TSPYL4: variants seen among roughly 807,000 people sequenced by gnomAD.
TSPYL4 encodes the protein TSPY like 4, also known as testis-specific Y-encoded-like protein 4.
A neutral mutation model predicts 24.2 loss-of-function variants in TSPYL4; 22 were observed. The observed-to-expected ratio is 0.91, with a 90% confidence interval of 0.65 to 1.30. The LOEUF (loss-of-function observed/expected upper bound fraction) is 1.30. Among genes scored for constraint, TSPYL4 ranks in the 50% most tolerant of loss-of-function variants. The pLI, the probability that TSPYL4 is intolerant of heterozygous loss-of-function variation, is 0.00. For missense variants in TSPYL4, 569 were observed against 536.7 expected, an observed-to-expected ratio of 1.06 and a Z score of -0.60; for synonymous variants, 211 against 208.2, an observed-to-expected ratio of 1.01 and a Z score of -0.12.
Position 116,253,927 on chromosome 6 carries a change from G to T in TSPYL4, c.82C>A (p.Pro28Thr). Residue 28 changes from proline to threonine, a missense_variant, in exon 1 of 1, where the codon CCG becomes ACG. Physicochemically the swap from Pro to Thr is conservative, Grantham distance 38 (BLOSUM62 -1). Coordinates refer to ENST00000420283, the MANE Select transcript of TSPYL4 (RefSeq NM_021648.5). The surrounding 1 kb of genome is among the most constrained non-coding windows in gnomAD (Gnocchi z 4.3). ...AGCCCTTGGCACTGGTCTCGGTCCG[G>T]ATCTCCTGAGGCATGGTCGGGAGCA... ...LAAPDHASGD[P>T]DRDQCQGLRE... 1.2e-6 allele frequency: 2 copies of T among 1,613,484 alleles called. No individual in the cohort carries two copies. Among genetic ancestry groups the T allele is most frequent in the Non-Finnish European group, 1.7e-6 (2 of 1,179,716 alleles).
chr6:116,253,529 C>CGAGATGGCGCGTTTTTTAGT lies in TSPYL4; in HGVS notation c.460_479dup (p.Ala161LeufsTer25), dbSNP rs1772006630. The stretch of plus-strand genomic sequence containing the variant: ...CTTCTCCCTCCTTTTCCACTGCTGC[C>CGAGATGGCGCGTTTTTTAGT]GAGATGGCGCGTTTTTTAGTCGTCA... On this transcript the variant is annotated frameshift_variant, in exon 1 of 1. Coordinates refer to ENST00000420283, the MANE Select transcript of TSPYL4 (RefSeq NM_021648.5). LOFTEE classifies it high-confidence loss of function. The surrounding 1 kb of genome is among the most constrained non-coding windows in gnomAD (Gnocchi z 4.3). The CGAGATGGCGCGTTTTTTAGT allele has an allele frequency of 4.5e-6, 7 of 1,551,868 alleles. No homozygotes were observed. The highest frequency in any genetic ancestry group is 6.1e-6 in the Non-Finnish European group (7 of 1,147,040).
rs756879036 is a variant in TSPYL4, at chr6:116,253,223, G to A, written c.786C>T (p.Pro262=). The change falls in exon 1 of 1, where the codon CCC becomes CCT. Residue 262 remains proline, a synonymous_variant. Coordinates refer to ENST00000420283, the MANE Select transcript of TSPYL4 (RefSeq NM_021648.5). This position sits in a 1 kb window ranked among gnomAD's most constrained non-coding sequence, Gnocchi z 4.3. ...GFWVTAFRNH[P]QLSPMISGQD... is the part of the protein sequence containing the mutation. ...GGCCACTGATCATAGGTGACAGCTGGGGGTGGTTTCGAAAGGCAGTAACCC... is the reference window on the plus strand; with the variant it reads ...GGCCACTGATCATAGGTGACAGCTGAGGGTGGTTTCGAAAGGCAGTAACCC... The A allele has an allele frequency of 2.5e-6, 4 of 1,614,038 alleles. No individual in the cohort carries two copies. Among genetic ancestry groups the A allele is most frequent in the East Asian group, 2.2e-5 (1 of 44,858 alleles).
Position 116,253,637 on chromosome 6 carries a change from G to T in TSPYL4, c.372C>A (p.Gly124=), listed in dbSNP as rs1772013026. 1.3e-6 allele frequency: 2 copies of T among 1,553,874 alleles called. No homozygotes were observed. The highest frequency in any genetic ancestry group is 1.4e-5 in the African/African-American group (1 of 73,230). Residue 124 remains glycine, a synonymous_variant, in exon 1 of 1, where the codon GGC becomes GGA. Coordinates refer to ENST00000420283, the MANE Select transcript of TSPYL4 (RefSeq NM_021648.5). This position sits in a 1 kb window ranked among gnomAD's most constrained non-coding sequence, Gnocchi z 4.3. The stretch of plus-strand genomic sequence containing the variant: ...CTTCTAGAGCCTTCTGCCCAGCAGG[G>T]CCACGGGGCTCTCCAAGCTGACAGC... The part of the protein sequence containing the change: ...KNGCQLGEPR[G]PAGQKALEAC...
Position 116,253,761 on chromosome 6 carries a change from C to A in TSPYL4, c.248G>T (p.Gly83Val), listed in dbSNP as rs748653080. The change falls in exon 1 of 1, where the codon GGT (glycine) becomes GTT (valine). Residue 83 changes from glycine to valine, a missense_variant. Coordinates refer to ENST00000420283, the MANE Select transcript of TSPYL4 (RefSeq NM_021648.5). The surrounding 1 kb of genome is among the most constrained non-coding windows in gnomAD (Gnocchi z 4.3). ...CTCCTGCCCGGCTTTGGTCGCTGCA[C>A]CGCCGCGACTCCCGGCAACTGGGAC... is the stretch of plus-strand genomic sequence containing the variant. ...LRVPVAGSRG[G>V]AATKAGQEDA... 6.3e-7 allele frequency: 1 copy of A among 1,597,722 alleles called. No individual in the cohort carries two copies. The highest frequency in any genetic ancestry group is 1.1e-5 in the South Asian group (1 of 88,778).
At position 116,252,538 on chromosome 6, in the gene TSPYL4, GA is replaced by G; in HGVS notation, c.*225del. 1.8e-6 allele frequency: 1 copy of G among 566,784 alleles called. No individual in the cohort carries two copies. The highest frequency in any genetic ancestry group is 3.1e-6 in the Non-Finnish European group (1 of 326,142). 35.1% of individuals were successfully genotyped at this position (566,784 alleles called of 1,614,324 possible). On this transcript the variant is annotated 3_prime_UTR_variant, in exon 1 of 1. Coordinates refer to ENST00000420283, the MANE Select transcript of TSPYL4 (RefSeq NM_021648.5). ...AGAAGCCGTAGAAGGCCATGCACTT[GA>G]AACATGTTAACACAATGCAGAAAAG...
rs768557241 is a variant in TSPYL4 at position 116,253,741 on chromosome 6, G to C, written c.268C>G (p.Gln90Glu). Reference protein sequence around the residue: ...SRGGAATKAGQEDAPPSTKGL... With the variant: ...SRGGAATKAGEEDAPPSTKGL... ...TTCGTAGAAGGTGGAGCATCCTCCTGCCCGGCTTTGGTCGCTGCACCGCCG... is the reference window on the plus strand; with the variant it reads ...TTCGTAGAAGGTGGAGCATCCTCCTCCCCGGCTTTGGTCGCTGCACCGCCG... Residue 90 changes from glutamine (Q) to glutamate (E), a missense_variant, in exon 1 of 1, where the codon CAG (glutamine) becomes GAG (glutamate). By Grantham distance (29) the Gln-to-Glu change is conservative. Transcript: ENST00000420283. The surrounding 1 kb of genome is among the most constrained non-coding windows in gnomAD (Gnocchi z 4.3). 7 of 1,586,982 alleles carry C rather than the reference G, an allele frequency of 4.4e-6. No homozygotes were observed. In the East Asian group the frequency reaches 1.4e-4, roughly 31 times the overall value.
In TSPYL4 at chr6:116,252,962, G is replaced by C. The variant is rs767287997; in HGVS notation, c.1047C>G (p.Asn349Lys). The change falls in exon 1 of 1, where the codon AAC becomes AAG. Residue 349 changes from asparagine to lysine, a missense_variant. Asn to Lys is a moderately conservative substitution (Grantham distance 94). Coordinates refer to ENST00000420283, the MANE Select transcript of TSPYL4 (RefSeq NM_021648.5). ...QAHIHRNREG[N>K]TIPSFFNWFS... ...ACCAGTTGAAGAAACTAGGGATAGTGTTCCCTTCCCGGTTTCTGTGGATAT... is the reference window on the plus strand; with the variant it reads ...ACCAGTTGAAGAAACTAGGGATAGTCTTCCCTTCCCGGTTTCTGTGGATAT... 6.6e-5 allele frequency: 107 copies of C among 1,613,962 alleles called. No homozygotes were observed. Among genetic ancestry groups the C allele is most frequent in the Non-Finnish European group, 8.7e-5 (103 of 1,179,966 alleles).
At position 116,253,585 on chromosome 6, in the gene TSPYL4, G is replaced by A; in HGVS notation, c.424C>T (p.Gln142Ter). ...EACGAGGLGS[Q>*]MIPGKKAKEV... is the part of the protein sequence containing the mutation. ...TTGGCCTTCTTCCCCGGTATCATCT[G>A]AGACCCCAAGCCCCCTGCGCCACAG... The change falls in exon 1 of 1, where the codon CAG becomes TAG. Residue 142 changes from glutamine to a stop codon, truncating the protein, a stop_gained. Coordinates refer to ENST00000420283, the MANE Select transcript of TSPYL4 (RefSeq NM_021648.5). LOFTEE classifies it high-confidence loss of function. The surrounding 1 kb of genome is among the most constrained non-coding windows in gnomAD (Gnocchi z 4.3). 1 of 1,552,092 alleles carries A rather than the reference G, an allele frequency of 6.4e-7. No individual in the cohort carries two copies.
In TSPYL4 at chr6:116,253,248, C is replaced by G; in HGVS notation, c.761G>C (p.Trp254Ser). 3 of 1,613,544 alleles carry G rather than the reference C, an allele frequency of 1.9e-6. No homozygotes were observed. Among genetic ancestry groups the G allele is most frequent in the Non-Finnish European group, 2.5e-6 (3 of 1,179,726 alleles). ...GGGGTGGTTTCGAAAGGCAGTAACC[C>G]AGAAACCTGGGATATTCTGGATAAT... is the stretch of plus-strand genomic sequence containing the variant. ...SFIIQNIPGF[W>S]VTAFRNHPQL... The change falls in exon 1 of 1, where the codon TGG becomes TCG. Residue 254 changes from tryptophan to serine, a missense_variant. Coordinates refer to ENST00000420283, the MANE Select transcript of TSPYL4 (RefSeq NM_021648.5). This position sits in a 1 kb window ranked among gnomAD's most constrained non-coding sequence, Gnocchi z 4.3.
rs763257455 is a variant in TSPYL4, at chr6:116,253,775, G to A, written c.234C>T (p.Ala78=). 1 of 1,601,630 alleles carries A rather than the reference G, an allele frequency of 6.2e-7. No individual in the cohort carries two copies. ...DCGPALRVPV[A]GSRGGAATKA... ...TGGTCGCTGCACCGCCGCGACTCCCGGCAACTGGGACGCGGAGCGCGGGGC... is the reference window on the plus strand; with the variant it reads ...TGGTCGCTGCACCGCCGCGACTCCCAGCAACTGGGACGCGGAGCGCGGGGC... Residue 78 remains alanine, a synonymous_variant, in exon 1 of 1, where the codon GCC becomes GCT. Transcript: ENST00000420283. This position sits in a 1 kb window ranked among gnomAD's most constrained non-coding sequence, Gnocchi z 4.3.
Position 116,253,288 on chromosome 6 carries a change from G to C in TSPYL4, c.721C>G (p.Gln241Glu). The C allele has an allele frequency of 1.2e-6, 2 of 1,605,174 alleles. No individual in the cohort carries two copies. The highest frequency in any genetic ancestry group is 1.7e-6 in the Non-Finnish European group (2 of 1,175,426). ...KFGRMRRLHM[Q>E]RRSFIIQNIP... is the part of the protein sequence containing the mutation. ...TTCTGGATAATGAAACTTCTGCGCT[G>C]CATGTGGAGCCTTCGCATGCGGCCA... Residue 241 changes from glutamine (Q) to glutamate (E), a missense_variant, in exon 1 of 1, where the codon CAG (glutamine) becomes GAG (glutamate). Transcript: ENST00000420283. The surrounding 1 kb of genome is among the most constrained non-coding windows in gnomAD (Gnocchi z 4.3).
In TSPYL4 at chr6:116,252,792, G is replaced by A. The variant is rs1331919290; in HGVS notation, c.1217C>T (p.Ala406Val). The change falls in exon 1 of 1, where the codon GCC becomes GTC. Residue 406 changes from alanine to valine, a missense_variant. Ala to Val is a moderately conservative substitution (Grantham distance 64, BLOSUM62 0). Coordinates refer to ENST00000420283, the MANE Select transcript of TSPYL4 (RefSeq NM_021648.5). The part of the protein sequence containing the change: ...RGPPRQPVES[A>V]RSFRFQSG ...GCCAGACTGGAACCTGAAGGATCTG[G>A]CGCTCTCCACTGGCTGCCTTGGTGG... is the stretch of plus-strand genomic sequence containing the variant. The A allele has an allele frequency of 1.3e-6, 2 of 1,598,852 alleles. No individual in the cohort carries two copies. Among genetic ancestry groups the A allele is most frequent in the Non-Finnish European group, 1.7e-6 (2 of 1,171,950 alleles).
In TSPYL4 at chr6:116,250,974, C is replaced by G; in HGVS notation, c.*1790G>C. ...ATGCTGCACATCCCCTTATCCCCTA[C>G]AAGGAGGCTGGAGATCTTCCACAAT... On this transcript the variant is annotated 3_prime_UTR_variant, in exon 1 of 1. Coordinates refer to ENST00000420283, the MANE Select transcript of TSPYL4 (RefSeq NM_021648.5). 2.6e-6 allele frequency: 1 copy of G among 384,904 alleles called. No individual in the cohort carries two copies. The highest frequency in any genetic ancestry group is 4.6e-6 in the Non-Finnish European group (1 of 218,120). 23.8% of individuals were successfully genotyped at this position (384,904 alleles called of 1,614,324 possible). A position where few individuals can be genotyped will look rare whatever the true frequency, so the allele number is the denominator to read the frequency against.
chr6:116,253,782 G>A lies in TSPYL4; in HGVS notation c.227C>T (p.Pro76Leu), dbSNP rs766923864. ...PVDCGPALRVPVAGSRGGAAT... is the reference protein window; with the variant it reads ...PVDCGPALRVLVAGSRGGAAT... ...TGCACCGCCGCGACTCCCGGCAACT[G>A]GGACGCGGAGCGCGGGGCCACAGTC... Residue 76 changes from proline (P) to leucine (L), a missense_variant, in exon 1 of 1, where the codon CCA (proline) becomes CTA (leucine). By Grantham distance (98) the Pro-to-Leu change is moderately conservative. Transcript: ENST00000420283. The surrounding 1 kb of genome is among the most constrained non-coding windows in gnomAD (Gnocchi z 4.3). 10 of 1,602,942 alleles carry A rather than the reference G, an allele frequency of 6.2e-6. No individual in the cohort carries two copies. Among genetic ancestry groups the A allele is most frequent in the Non-Finnish European group, 8.5e-6 (10 of 1,174,118 alleles).
In TSPYL4 at chr6:116,253,292, G is replaced by A. The variant is rs2232472; in HGVS notation, c.717C>T (p.His239=). 0.37 allele frequency: 587,572 copies of A among 1,600,956 alleles called. 113,409 individuals are homozygous for A. The highest frequency in any genetic ancestry group is 0.62 in the East Asian group (27,522 of 44,400). The part of the protein sequence containing the change: ...ERKFGRMRRL[H]MQRRSFIIQN... ...GGATAATGAAACTTCTGCGCTGCAT[G>A]TGGAGCCTTCGCATGCGGCCAAACT... The change falls in exon 1 of 1, where the codon CAC becomes CAT. Residue 239 remains histidine (H), a synonymous_variant. Coordinates refer to ENST00000420283, the MANE Select transcript of TSPYL4 (RefSeq NM_021648.5). The surrounding 1 kb of genome is among the most constrained non-coding windows in gnomAD (Gnocchi z 4.3).
rs1244668116 is a variant in TSPYL4, at chr6:116,253,308, C to T, written c.701G>A (p.Arg234His). The change falls in exon 1 of 1, where the codon CGC (arginine) becomes CAC (histidine). Residue 234 changes from arginine to histidine, a missense_variant. Coordinates refer to ENST00000420283, the MANE Select transcript of TSPYL4 (RefSeq NM_021648.5). This position sits in a 1 kb window ranked among gnomAD's most constrained non-coding sequence, Gnocchi z 4.3. ...AFLQLERKFG[R>H]MRRLHMQRRS... Reference sequence around the variant, plus strand: ...GCGCTGCATGTGGAGCCTTCGCATGCGGCCAAACTTGCGCTCAAGCTGAAG... The same window carrying T: ...GCGCTGCATGTGGAGCCTTCGCATGTGGCCAAACTTGCGCTCAAGCTGAAG... The T allele has an allele frequency of 3.1e-6, 5 of 1,589,418 alleles. No individual in the cohort carries two copies. Among genetic ancestry groups the T allele is most frequent in the South Asian group, 2.3e-5 (2 of 87,952 alleles).
chr6:116,253,161 T>A lies in TSPYL4; in HGVS notation c.848A>T (p.Glu283Val). ...TCTGGGGTGTTTAAGCTCCTCCACC[T>A]CCAAATTGATCATGTACCTCAGCAT... The part of the protein sequence containing the change: ...EDMLRYMINL[E>V]VEELKHPRAG... The change falls in exon 1 of 1, where the codon GAG (glutamate) becomes GTG (valine). Residue 283 changes from glutamate (E) to valine (V), a missense_variant. By Grantham distance (121) the Glu-to-Val change is moderately radical (BLOSUM62 -2). Coordinates refer to ENST00000420283, the MANE Select transcript of TSPYL4 (RefSeq NM_021648.5). The surrounding 1 kb of genome is among the most constrained non-coding windows in gnomAD (Gnocchi z 4.3). 1 of 1,613,996 alleles carries A rather than the reference T, an allele frequency of 6.2e-7. No individual in the cohort carries two copies. Among genetic ancestry groups the A allele is most frequent in the South Asian group, 1.1e-5 (1 of 91,076 alleles).
At position 116,253,497 on chromosome 6, in the gene TSPYL4, G is replaced by C; in HGVS notation, c.512C>G (p.Ala171Gly). Residue 171 changes from alanine to glycine, a missense_variant, in exon 1 of 1, where the codon GCG becomes GGG. Coordinates refer to ENST00000420283, the MANE Select transcript of TSPYL4 (RefSeq NM_021648.5). This position sits in a 1 kb window ranked among gnomAD's most constrained non-coding sequence, Gnocchi z 4.3. ...CACTACCTTCTTTTCCTCCATCGCCGCCCCTGCTTCTCCCTCCTTTTCCAC... is the reference window on the plus strand; with the variant it reads ...CACTACCTTCTTTTCCTCCATCGCCCCCCCTGCTTCTCCCTCCTTTTCCAC... ...AAVEKEGEAG[A>G]AMEEKKVVQK... 1 of 1,551,148 alleles carries C rather than the reference G, an allele frequency of 6.4e-7. No individual in the cohort carries two copies. Among genetic ancestry groups the C allele is most frequent in the Non-Finnish European group, 8.7e-7 (1 of 1,146,904 alleles).
At position 116,253,961 on chromosome 6, in the gene TSPYL4, G is replaced by A. The variant is rs1363923289; in HGVS notation, c.48C>T (p.Gly16=). Residue 16 remains glycine (G), a synonymous_variant, in exon 1 of 1, where the codon GGC becomes GGT. Transcript: ENST00000420283. The surrounding 1 kb of genome is among the most constrained non-coding windows in gnomAD (Gnocchi z 4.3). ...AGGCATGGTCGGGAGCAGCCAGGCC[G>A]CCGGTTTGGGCGAGAGGGAGCTTGT... ...GGNKLPLAQT[G]GLAAPDHASG... The A allele has an allele frequency of 4.4e-6, 7 of 1,601,926 alleles. No individual in the cohort carries two copies. The East Asian group carries it at 1.1e-4, about 26-fold the overall frequency.
Sources: allele counts gnomAD v4.1 joint callset, GRCh38; gene constraint gnomAD v4.1.1; non-coding constraint Gnocchi (gnomAD v3.1); transcripts MANE v1.5; gene names NCBI Gene and HGNC (gene_info 2026-07-23, HGNC 2026-07-21).